The following CNNM2 variants were observed in gnomAD, a reference collection of about 807,000 sequenced individuals.
The protein encoded by CNNM2 is metal transporter CNNM2.
CNNM2 carries 12 observed loss-of-function variants against 66.9 expected under a neutral mutation model. The ratio of observed to expected loss-of-function variants is 0.18; its 90% CI spans 0.11 to 0.29. The LOEUF (loss-of-function observed/expected upper bound fraction) is 0.29, where lower values mean the gene tolerates loss of function less well. Ranked by LOEUF, CNNM2 falls within the 10% of genes least tolerant of loss-of-function variation. The pLI is 1.00. For synonymous variants in CNNM2, 557 were observed against 501.8 expected (o/e 1.11, Z -1.47); for missense variants, 705 against 1,167.7 (o/e 0.60, Z 5.77).
intron 1 of CNNM2, among the ~76,000 whole-genome samples, chr10:103,041,525 A>G (rs1308740028): frequency 6.6e-6 from 1 of 152,138 alleles, no homozygotes; most frequent in Non-Finnish European, 1.5e-5. Context: ...TGGCAGAAGC[A>G]GGCCAGTTCG....
chr10:102,968,104 A>G (rs1483964413), intron 1 of CNNM2, among the ~76,000 whole-genome samples: 1 of 134,488 alleles, frequency 7.4e-6, no homozygotes, highest in Non-Finnish European at 1.6e-5. Flanking sequence ...TTTCTGGGTC[A>G]TATAGTAAGA....
intron 1 of CNNM2, among the ~76,000 whole-genome samples, chr10:102,971,518 T>A (rs2063546853): frequency 6.6e-6 from 1 of 152,234 alleles, no homozygotes; most frequent in African/African-American, 2.4e-5. Flanking sequence ...TATTTCCTTT[T>A]ATACCTTTTT....
At chr10:102,959,851 A>G (rs924682850) in intron 1 of CNNM2, among the ~76,000 whole-genome samples, 1 of 152,008 alleles carries the variant, frequency 6.6e-6, no homozygotes, top group African/African-American at 2.4e-5. Context: ...AGGAGATCGA[A>G]ACCATCCTGG....
chr10:103,048,424 C>G (rs1024127981), intron 1 of CNNM2, among the ~76,000 whole-genome samples: 6 of 151,986 alleles, frequency 3.9e-5, no homozygotes, highest in African/African-American at 1.2e-4. Flanking sequence ...CCATGTTGGC[C>G]AGGCTGGTCT....
At chr10:103,004,315 A>G (rs2064184812) in intron 1 of CNNM2, among the ~76,000 whole-genome samples, 1 of 152,120 alleles carries the variant, frequency 6.6e-6, no homozygotes, top group African/African-American at 2.4e-5. Flanking sequence ...TTGCGTGATT[A>G]TACCACACTT....
Position 102,918,374 on chromosome 10 carries a change from G to A in CNNM2, c.-107G>A, listed in dbSNP as rs1366780855. The stretch of plus-strand genomic sequence containing the variant: ...TCAGTGTCAGTCAGGGAGGCGAACT[G>A]CTGAGCACTGGCCGCGGACGCTCCG... On this transcript the variant is annotated 5_prime_UTR_variant, in exon 1 of 8. Transcript: ENST00000369878. This position sits in a 1 kb window ranked among gnomAD's most constrained non-coding sequence, Gnocchi z 4.1. The A allele has an allele frequency of 3.3e-6, 5 of 1,514,072 alleles. No homozygotes were observed. The highest frequency in any genetic ancestry group is 4.4e-6 in the Non-Finnish European group (5 of 1,137,484). The allele number at this position is 1,514,072 out of a possible 1,614,324, so 93.8% of individuals were successfully genotyped here.
chr10:102,925,172 T>C (rs1452566092), intron 1 of CNNM2, among the ~76,000 whole-genome samples: 1 of 151,854 alleles, frequency 6.6e-6, no homozygotes, highest in African/African-American at 2.4e-5. Context: ...GGCACATGCC[T>C]GTAATCCCAA....
rs1338662506 is a variant in CNNM2 at position 103,081,794 on chromosome 10, C to T, written c.*4614C>T. 2 of 152,198 alleles carry T rather than the reference C, an allele frequency of 1.3e-5. No individual in the cohort carries two copies. Among genetic ancestry groups the T allele is most frequent in the Non-Finnish European group, 2.9e-5 (2 of 68,058 alleles). The allele number at this position is 152,198 out of a possible 1,614,324, so 9.4% of individuals were successfully genotyped here. On this transcript the variant is annotated 3_prime_UTR_variant, in exon 8 of 8. Coordinates refer to ENST00000369878, the MANE Select transcript of CNNM2 (RefSeq NM_017649.5). ...TCTGGAGATTCATATTCTAGAGTCC[C>T]TGGTCAACCCTACGGATGCGAAGAA...
At chr10:102,989,145 C>G (rs543216363) in intron 1 of CNNM2, among the ~76,000 whole-genome samples, 1 of 152,248 alleles carries the variant, frequency 6.6e-6, no homozygotes, top group East Asian at 1.9e-4. Context: ...AACAGTTCAC[C>G]TTCACTGAGT....
In CNNM2 at chr10:102,923,929, A is replaced by G. The variant is rs3120718; in HGVS notation, c.1621+3828A>G. On this transcript the variant is annotated intron_variant, in intron 1 of 7. Transcript: ENST00000369878. ...GCAAGGGTCACATAGTAATTGGTCA[A>G]ACTCAGTTTTGTGTTTTAATCTTGG... Among the ~76,000 whole-genome samples, 13,882 of 152,214 alleles carry G rather than the reference A, an allele frequency of 0.091. 2,141 individuals carry two copies. Among genetic ancestry groups the G allele is most frequent in the African/African-American group, 0.31 (13,004 of 41,472 alleles).
At chr10:103,068,287 A>G (rs932641568) in intron 4 of CNNM2, 16 of 222,496 alleles carry the variant, frequency 7.2e-5, no homozygotes, top group African/African-American at 3.4e-4. Context: ...AGACAGTGAG[A>G]CAGGATTATT....
chr10:103,064,392 T>G (rs1177192478), intron 4 of CNNM2, among the ~76,000 whole-genome samples: 1 of 152,158 alleles, frequency 6.6e-6, no homozygotes, highest in Non-Finnish European at 1.5e-5. Context: ...ATAGCTGTTT[T>G]TTTTGTTTTG....
At chr10:102,929,883 T>C (rs1846008035) in intron 1 of CNNM2, among the ~76,000 whole-genome samples, 1 of 152,180 alleles carries the variant, frequency 6.6e-6, no homozygotes. Context: ...ATAAAATATT[T>C]TAACACTGAT....
chr10:102,985,045 G>A (rs922691279), intron 1 of CNNM2, among the ~76,000 whole-genome samples: 19 of 152,130 alleles, frequency 1.2e-4, no homozygotes, highest in African/African-American at 4.3e-4. Context: ...GCCGAGAAGC[G>A]ATGAATTTTG....
chr10:102,968,139 G>A (rs1182554352), intron 1 of CNNM2, among the ~76,000 whole-genome samples: 3 of 152,270 alleles, frequency 2.0e-5, no homozygotes, highest in African/African-American at 7.2e-5. Flanking sequence ...TACTTTTCAA[G>A]AAGCTGCCAA....
At chr10:103,045,911 C>T (rs1341534797) in intron 1 of CNNM2, among the ~76,000 whole-genome samples, 1 of 152,224 alleles carries the variant, frequency 6.6e-6, no homozygotes, top group African/African-American at 2.4e-5. Flanking sequence ...TCCCAAGATG[C>T]TGGGATTACA....
At chr10:103,076,504 C>T (rs1325180413) in intron 7 of CNNM2, among the ~76,000 whole-genome samples, 6 of 152,196 alleles carry the variant, frequency 3.9e-5, no homozygotes, top group Non-Finnish European at 5.9e-5. Context: ...TCAAATGTGG[C>T]TCTTTCAGGG....
intron 1 of CNNM2, among the ~76,000 whole-genome samples, chr10:103,036,589 G>A (rs2064943683): frequency 6.6e-6 from 1 of 152,128 alleles, no homozygotes; most frequent in African/African-American, 2.4e-5. Context: ...AAATCGAGGT[G>A]GGGTCTCTGC....
intron 1 of CNNM2, among the ~76,000 whole-genome samples, chr10:102,963,453 T>C (rs1376968191): frequency 1.3e-5 from 2 of 152,198 alleles, no homozygotes; most frequent in Non-Finnish European, 2.9e-5. Context: ...GTTTGTTCAG[T>C]TGGCTTGTCC....
Sources: gnomAD v4.1 joint callset for allele counts (sites outside exome capture counted in the v4.1 genomes callset) on GRCh38, gnomAD v4.1.1 for gene constraint, Gnocchi (gnomAD v3.1) non-coding constraint, MANE v1.5 for transcripts, NCBI Gene and HGNC (gene_info 2026-07-23, HGNC 2026-07-21) for gene names.